The following COL1A2 variants were observed in gnomAD, a reference collection of about 807,000 sequenced individuals.
COL1A2 encodes the protein collagen type I alpha 2 chain.
COL1A2 carries 49 observed loss-of-function variants against 174.3 expected under a neutral mutation model. That is an observed-to-expected ratio of 0.28 (90% CI 0.22 to 0.36). The LOEUF is 0.36. Among genes scored for constraint, COL1A2 ranks in the 10% least tolerant of loss-of-function variants. The pLI, the probability that COL1A2 is intolerant of heterozygous loss-of-function variation, is 1.00. For missense variants in COL1A2, 1,438 were observed against 1,822.7 expected (o/e 0.79, Z 3.84); for synonymous variants, 655 against 606.6 (o/e 1.08, Z -1.17).
At chr7:94,406,063 CA>C (rs1274858881) in intron 11 of COL1A2, among the ~76,000 whole-genome samples, 186 bp from the exon 12 acceptor site, 1 of 152,144 alleles carries the variant, frequency 6.6e-6, no homozygotes, top group Non-Finnish European at 1.5e-5. Context: ...CTCTCAATGG[CA>C]AGAAAGTTAA....
In COL1A2 at chr7:94,405,702, A is replaced by G; in HGVS notation, c.516A>G (p.Gly172=). 1 of 1,613,712 alleles carries G rather than the reference A, an allele frequency of 6.2e-7. No homozygotes were observed. Among genetic ancestry groups the G allele is most frequent in the Admixed American group, 1.7e-5 (1 of 60,018 alleles). The change falls in exon 11 of 52, where the codon GGA becomes GGG. Residue 172 remains glycine, a synonymous_variant. Coordinates refer to ENST00000297268, the MANE Select transcript of COL1A2 (RefSeq NM_000089.4). ...CTCGTGGTTTCCCTGGAACTCCTGGACTTCCTGGCTTCAAAGGCATTAGGG... is the reference window on the plus strand; with the variant it reads ...CTCGTGGTTTCCCTGGAACTCCTGGGCTTCCTGGCTTCAAAGGCATTAGGG... ...QGARGFPGTP[G]LPGFKGIRGH... is the part of the protein sequence containing the mutation.
intron 28 of COL1A2, 41 bp downstream of exon 28, chr7:94,413,988 C>A: frequency 6.4e-7 from 1 of 1,556,678 alleles, no homozygotes; most frequent in Non-Finnish European, 8.9e-7. Context: ...CTTTGGTCAG[C>A]CTATTGAGCT....
intron 12 of COL1A2, among the ~76,000 whole-genome samples, 160 bp from the exon 13 acceptor site, chr7:94,407,687 A>G (rs1791830540): frequency 6.6e-6 from 1 of 152,226 alleles, no homozygotes; most frequent in Non-Finnish European, 1.5e-5. Context: ...GCACATTTTA[A>G]AATCTGTGTG....
intron 4 of COL1A2, among the ~76,000 whole-genome samples, chr7:94,399,591 G>C (rs1292885788): frequency 6.6e-6 from 1 of 152,134 alleles, no homozygotes; most frequent in East Asian, 1.9e-4. Context: ...GTTTTGCATT[G>C]TATAACACTT....
rs929860413 is a variant in COL1A2, at chr7:94,424,680, C to T, written c.2673+237C>T. On this transcript the variant is annotated intron_variant, in intron 41 of 51. Coordinates refer to ENST00000297268, the MANE Select transcript of COL1A2 (RefSeq NM_000089.4). The stretch of plus-strand genomic sequence containing the variant: ...GAATGATTTTTGTTCTTTCCACGCA[C>T]TTAGGAATGATACAATCTCTAATTG... 5.4e-5 allele frequency: 29 copies of T among 540,780 alleles called. No homozygotes were observed. In the South Asian group the frequency reaches 6.0e-4, roughly 11 times the overall value. 33.5% of individuals were successfully genotyped at this position (540,780 alleles called of 1,614,324 possible). A position where few individuals can be genotyped will look rare whatever the true frequency, so the allele number is the denominator to read the frequency against.
In COL1A2 at chr7:94,410,461, A is replaced by G; in HGVS notation, c.1131A>G (p.Glu377=). Residue 377 remains glutamate, a synonymous_variant, in exon 21 of 52, where the codon GAA becomes GAG. Transcript: ENST00000297268. The part of the protein sequence containing the change: ...GPQGPPGPSG[E]EGKRGPNGEA... The stretch of plus-strand genomic sequence containing the variant: ...AAGGTCCTCCTGGTCCCAGTGGTGA[A>G]GAAGGAAAGAGAGGCCCTAATGGGG... 6.4e-7 allele frequency: 1 copy of G among 1,550,772 alleles called. No homozygotes were observed. The highest frequency in any genetic ancestry group is 8.7e-7 in the Non-Finnish European group (1 of 1,147,128).
intron 5 of COL1A2, 25 bp from the exon 6 acceptor site, chr7:94,401,539 ATAT>A (rs757938978): frequency 9.3e-7 from 1 of 1,070,340 alleles, no homozygotes; most frequent in Admixed American, 3.1e-5. Context: ...TTATATATAT[ATAT>A]AATTTTTTTT....
rs139446305 is a variant in COL1A2, at chr7:94,411,099, G to A, written c.1295G>A (p.Arg432Gln). ...SRGASGPAGVRGPNGDAGRPG... is the reference protein window; with the variant it reads ...SRGASGPAGVQGPNGDAGRPG... ...GGTGCAAGTGGCCCTGCTGGAGTCC[G>A]AGGACCTAATGGAGATGCTGGTCGC... Residue 432 changes from arginine to glutamine, a missense_variant, in exon 23 of 52, where the codon CGA (arginine) becomes CAA (glutamine). By Grantham distance (43) the Arg-to-Gln change is conservative. Transcript: ENST00000297268. 4.7e-5 allele frequency: 75 copies of A among 1,603,608 alleles called. No individual in the cohort carries two copies. The African/African-American group carries it at 4.7e-4, about 10-fold the overall frequency.
chr7:94,409,641 T>C (rs766468876), intron 18 of COL1A2, 33 bp downstream of exon 18: 26 of 1,613,946 alleles, frequency 1.6e-5, no homozygotes, highest in Non-Finnish European at 2.0e-5. Context: ...AATGTGCTGC[T>C]ATGATTTTAA....
chr7:94,425,572 C>A (rs1233008081), intron 42 of COL1A2, 38 bp from the exon 43 acceptor site: 6 of 1,604,708 alleles, frequency 3.7e-6, no homozygotes, highest in East Asian at 2.2e-5. Context: ...GGCAGCAGAG[C>A]CTCACCAACA....
chr7:94,397,383 C>T (rs1791604700), intron 1 of COL1A2, among the ~76,000 whole-genome samples: 1 of 152,088 alleles, frequency 6.6e-6, no homozygotes, highest in Non-Finnish European at 1.5e-5. Context: ...ATTATTTCCT[C>T]ATCAATCTAC....
chr7:94,425,365 A>G, intron 42 of COL1A2, 141 bp downstream of exon 42: 1 of 880,112 alleles, frequency 1.1e-6, no homozygotes, highest in East Asian at 2.6e-5. Flanking sequence ...CCTAGTACTG[A>G]AAATATGAAA....
chr7:94,411,123 G>T lies in COL1A2; in HGVS notation c.1319G>T (p.Arg440Leu), dbSNP rs141677005. ...GVRGPNGDAG[R>L]PGEPGLMGPR... ...CGAGGACCTAATGGAGATGCTGGTC[G>T]CCCTGGGGAGCCTGGTCTCATGGGA... Residue 440 changes from arginine to leucine, a missense_variant, in exon 23 of 52, where the codon CGC becomes CTC. Around this residue, in one of 3 missense-constraint regions of COL1A2, gnomAD observed 867 missense variants for 1,213.7 expected, o/e 0.71. Transcript: ENST00000297268. 1.3e-6 allele frequency: 2 copies of T among 1,596,346 alleles called. No homozygotes were observed. Among genetic ancestry groups the T allele is most frequent in the Admixed American group, 1.7e-5 (1 of 58,018 alleles).
rs42531 is a variant in COL1A2 at position 94,423,351 on chromosome 7, G to A, written c.2565+233G>A. 152,568 of 545,616 alleles carry A rather than the reference G, an allele frequency of 0.28. 22,970 individuals carry two copies. Among genetic ancestry groups the A allele is most frequent in the Non-Finnish European group, 0.31 (95,617 of 306,086 alleles). 33.8% of individuals were successfully genotyped at this position (545,616 alleles called of 1,614,324 possible). ...TGAGGGAACTCAGTTTTATCACAAAGCCCTTAAAGCTATTGAAGGCACCTT... is the reference window on the plus strand; with the variant it reads ...TGAGGGAACTCAGTTTTATCACAAAACCCTTAAAGCTATTGAAGGCACCTT... On this transcript the variant is annotated intron_variant, in intron 40 of 51. Transcript: ENST00000297268.
intron 6 of COL1A2, 94 bp from the exon 7 acceptor site, chr7:94,404,459 CACA>C: frequency 3.9e-6 from 5 of 1,294,548 alleles, no homozygotes; most frequent in Non-Finnish European, 5.6e-6. Flanking sequence ...GGAATCAAAC[CACA>C]ACAATGGCAC....
rs775294345 is a variant in COL1A2, at chr7:94,423,072, C to CTGG, written c.2520_2522dup (p.Gly841dup). 6.2e-7 allele frequency: 1 copy of CTGG among 1,614,206 alleles called. No individual in the cohort carries two copies. Among genetic ancestry groups the CTGG allele is most frequent in the African/African-American group, 1.3e-5 (1 of 75,066 alleles). Reference sequence around the variant, plus strand: ...GGAGAAGTAGGTGCAGTTGGTCCCCCTGGCTTCGCTGGTGAGAAGGGTCCC... The same window carrying CTGG: ...GGAGAAGTAGGTGCAGTTGGTCCCCCTGGTGGCTTCGCTGGTGAGAAGGGTCCC... On this transcript the variant is annotated inframe_insertion, in exon 40 of 52. Transcript: ENST00000297268.
At chr7:94,407,933 T>G in intron 13 of COL1A2, 42 bp downstream of exon 13, 2 of 1,548,382 alleles carry the variant, frequency 1.3e-6, no homozygotes, top group Non-Finnish European at 1.8e-6. Flanking sequence ...ATGTGTACAC[T>G]CTTTATGAGA....
intron 17 of COL1A2, 41 bp from the exon 18 acceptor site, chr7:94,409,523 T>A: frequency 6.2e-7 from 1 of 1,613,790 alleles, no homozygotes; most frequent in South Asian, 1.1e-5. Context: ...ACCGAAATAT[T>A]CCAATTAACT....
intron 5 of COL1A2, 25 bp from the exon 6 acceptor site, chr7:94,401,542 T>C: frequency 1.7e-6 from 2 of 1,160,646 alleles, no homozygotes; most frequent in Non-Finnish European, 2.2e-6. Flanking sequence ...TATATATATA[T>C]AATTTTTTTT....
Sources: gnomAD v4.1 joint callset for allele counts (sites outside exome capture counted in the v4.1 genomes callset) on GRCh38, gnomAD v4.1.1 for gene constraint, gnomAD v4.1.1 regional missense constraint, MANE v1.5 for transcripts, NCBI Gene and HGNC (gene_info 2026-07-23, HGNC 2026-07-21) for gene names.